ZFR: variants seen among roughly 807,000 people sequenced by gnomAD.
ZFR encodes zinc finger RNA-binding protein.
ZFR carries 19 observed loss-of-function variants against 130.7 expected under a neutral mutation model. The ratio of observed to expected loss-of-function variants is 0.15; its 90% CI spans 0.10 to 0.21. The LOEUF (loss-of-function observed/expected upper bound fraction) is 0.21, where lower values mean the gene tolerates loss of function less well. ZFR is among the 10% of genes least tolerant of loss of function. ZFR has a pLI of 1.00. For missense variants in ZFR, 872 were observed against 1,321.5 expected (o/e 0.66, Z 5.27); for synonymous variants, 466 against 456.9 (o/e 1.02, Z -0.25).
chr5:32,417,835 G>A (rs372485276), intron 3 of ZFR, 43 bp from the exon 4 acceptor site: 12 of 1,590,842 alleles, frequency 7.5e-6, no homozygotes, highest in Middle Eastern at 1.7e-4. Flanking sequence ...TGAGACAAGT[G>A]GAAGGAAAAA....
At chr5:32,374,436 G>A (rs1480384392) in intron 17 of ZFR, among the ~76,000 whole-genome samples, 2 of 152,108 alleles carry the variant, frequency 1.3e-5, no homozygotes, top group African/African-American at 2.4e-5. Flanking sequence ...CTGGGAGATG[G>A]AGGTTGCAGT....
In ZFR at chr5:32,394,091, G is replaced by A. The variant is rs180693910; in HGVS notation, c.1979+1068C>T. ...AGTTGAAGGTATGTAAATGAAAAAA[G>A]TGGATTATGAAAATACGTGTATGGT... On this transcript the variant is annotated intron_variant, in intron 11 of 19. Transcript: ENST00000265069. 2.6e-5 allele frequency among the ~76,000 whole-genome samples: 4 copies of A among 152,254 alleles called. No individual in the cohort carries two copies. The East Asian group carries it at 7.7e-4, about 29-fold the overall frequency.
At chr5:32,382,833 T>TA (rs1349036830) in intron 15 of ZFR, among the ~76,000 whole-genome samples, 1 of 152,188 alleles carries the variant, frequency 6.6e-6, no homozygotes, top group Non-Finnish European at 1.5e-5. Context: ...TTTGTTAAAT[T>TA]TAGTGTGGAT....
intron 11 of ZFR, among the ~76,000 whole-genome samples, chr5:32,393,412 C>T (rs1380032535): frequency 2.0e-5 from 3 of 150,598 alleles, no homozygotes; most frequent in East Asian, 1.9e-4. Context: ...GGCGCGATCT[C>T]GCCTCACCGC....
At chr5:32,356,047 A>G (rs1000167093) in intron 19 of ZFR, 108 bp from the exon 20 acceptor site, 13 of 813,762 alleles carry the variant, frequency 1.6e-5, no homozygotes, top group Admixed American at 6.3e-5. Flanking sequence ...TGTGTAATGA[A>G]AGAAACATTT....
intron 2 of ZFR, among the ~76,000 whole-genome samples, chr5:32,439,221 A>C (rs1754406843): frequency 6.6e-6 from 1 of 152,200 alleles, no homozygotes; most frequent in Non-Finnish European, 1.5e-5. Flanking sequence ...TGATGTTATT[A>C]GTCGTTGCAA....
At chr5:32,433,212 C>T (rs1201413266) in intron 2 of ZFR, among the ~76,000 whole-genome samples, 1 of 152,090 alleles carries the variant, frequency 6.6e-6, no homozygotes, top group African/African-American at 2.4e-5. Context: ...TCTGCGTCCA[C>T]TGGATCTTTT....
chr5:32,421,685 G>A (rs1158183210), intron 2 of ZFR, among the ~76,000 whole-genome samples: 2 of 151,912 alleles, frequency 1.3e-5, no homozygotes, highest in Non-Finnish European at 2.9e-5. Flanking sequence ...TTACAGGGTG[G>A]CAGATTTCAG....
intron 4 of ZFR, among the ~76,000 whole-genome samples, chr5:32,415,626 G>A (rs1028839564): frequency 2.0e-5 from 3 of 151,990 alleles, no homozygotes; most frequent in African/African-American, 4.8e-5. Context: ...AAACTTCAAT[G>A]TTTAATCATA....
At chr5:32,367,935 A>G (rs1752582902) in intron 17 of ZFR, among the ~76,000 whole-genome samples, 1 of 152,210 alleles carries the variant, frequency 6.6e-6, no homozygotes, top group African/African-American at 2.4e-5. Flanking sequence ...CTAGGTGATA[A>G]AGCTGAGATT....
Position 32,444,282 on chromosome 5 carries a change from G to A in ZFR, c.84C>T (p.Tyr28=), listed in dbSNP as rs992086568. 3 of 1,552,806 alleles carry A rather than the reference G, an allele frequency of 1.9e-6. No homozygotes were observed. Among genetic ancestry groups the A allele is most frequent in the African/African-American group, 2.7e-5 (2 of 72,898 alleles). ...CCGCCCCGCTGTGGGTGAATCCAAA[G>A]TAGTTGCCGGTCGCCATTTTGGCAT... ...GEDAKMATGN[Y]FGFTHSGAAA... The change falls in exon 2 of 20, where the codon TAC becomes TAT. Residue 28 remains tyrosine (Y), a synonymous_variant. Transcript: ENST00000265069.
chr5:32,389,320 T>C (rs976769220), intron 12 of ZFR, among the ~76,000 whole-genome samples: 2 of 152,162 alleles, frequency 1.3e-5, no homozygotes, highest in African/African-American at 4.8e-5. Flanking sequence ...CCACTGGTAA[T>C]GGAAAAATAA....
intron 15 of ZFR, among the ~76,000 whole-genome samples, chr5:32,381,971 A>G (rs527947596): frequency 2.6e-5 from 4 of 152,330 alleles, no homozygotes; most frequent in African/African-American, 9.6e-5. Flanking sequence ...TAGATAAAGA[A>G]AAGGGACACA....
Position 32,385,664 on chromosome 5 carries a change from T to C in ZFR, c.2500-15A>G. 3 of 1,610,262 alleles carry C rather than the reference T, an allele frequency of 1.9e-6. No individual in the cohort carries two copies. The highest frequency in any genetic ancestry group is 2.5e-6 in the Non-Finnish European group (3 of 1,178,362). ...GGGCTTATAACCTGTGTAATGAAGA[T>C]GATAAGAAACAAATTGGATCTGTTG... On this transcript the variant is annotated splice_polypyrimidine_tract_variant and intron_variant, in intron 14 of 19. Transcript: ENST00000265069.
At chr5:32,407,071 C>T in intron 5 of ZFR, 50 bp from the exon 6 acceptor site, 1 of 1,365,012 alleles carries the variant, frequency 7.3e-7, no homozygotes, top group Non-Finnish European at 9.6e-7. Flanking sequence ...TATAGAAGGA[C>T]AAGTTAAAAT....
intron 17 of ZFR, among the ~76,000 whole-genome samples, chr5:32,378,454 A>G (rs1752871899): frequency 6.6e-6 from 1 of 152,222 alleles, no homozygotes; most frequent in Non-Finnish European, 1.5e-5. Context: ...ATTAACTCTC[A>G]TTAATTAAAC....
chr5:32,370,366 ACAGG>A (rs1561864095), intron 17 of ZFR, among the ~76,000 whole-genome samples: 1 of 150,212 alleles, frequency 6.7e-6, no homozygotes, highest in East Asian at 2.0e-4. Flanking sequence ...AGACAGACAG[ACAGG>A]CAGGCAGACA....
chr5:32,388,647 C>A lies in ZFR; in HGVS notation c.2170G>T (p.Asp724Tyr). The change falls in exon 13 of 20, where the codon GAC becomes TAC. Residue 724 changes from aspartate to tyrosine, a missense_variant. Around this residue, in one of 7 missense-constraint regions of ZFR, gnomAD observed 225 missense variants for 282.4 expected, o/e 0.80. Coordinates refer to ENST00000265069, the MANE Select transcript of ZFR (RefSeq NM_016107.5). ...GCATGTTTTGTCATTACATAACGGT[C>A]ATCAGATGAGTCAGGACGACGTAAG... ...APLRRPDSSD[D>Y]RYVMTKHATI... 1.9e-6 allele frequency: 3 copies of A among 1,613,806 alleles called. No homozygotes were observed. The South Asian group carries it at 3.3e-5, about 18-fold the overall frequency.
chr5:32,370,836 CA>C (rs1281773978), intron 17 of ZFR, among the ~76,000 whole-genome samples: 5 of 152,148 alleles, frequency 3.3e-5, no homozygotes, highest in African/African-American at 1.2e-4. Context: ...GACAGAAGAA[CA>C]ACTAATTTGA....
Sources: allele counts gnomAD v4.1 joint callset (sites outside exome capture counted in the v4.1 genomes callset), GRCh38; gene constraint gnomAD v4.1.1; regional missense constraint gnomAD v4.1.1; transcripts MANE v1.5; gene names NCBI Gene and HGNC (gene_info 2026-07-23, HGNC 2026-07-21).